ARB2A: variants seen among roughly 807,000 people sequenced by gnomAD.
ARB2A encodes ARB2 cotranscriptional regulator A, also known as cotranscriptional regulator ARB2A.
the ARB2A span, among the ~76,000 whole-genome samples, chr5:93,853,785 GC>G: frequency 1.3e-5 from 2 of 152,178 alleles, no homozygotes; most frequent in African/African-American, 4.8e-5. Flanking sequence ...TATTGAACCA[GC>G]CTTGCATCCC....
chr5:93,931,218 C>A, the ARB2A span, among the ~76,000 whole-genome samples: 2 of 152,176 alleles, frequency 1.3e-5, no homozygotes, highest in Non-Finnish European at 2.9e-5. Flanking sequence ...GTAATCCCAG[C>A]ACTTTGGGAG....
the ARB2A span, chr5:93,620,796 G>A: frequency 1.6e-6 from 1 of 623,062 alleles, no homozygotes; most frequent in Non-Finnish European, 2.4e-6. Flanking sequence ...CACGACCAGT[G>A]AACCCATATT....
At chr5:93,796,056 T>C in the ARB2A span, among the ~76,000 whole-genome samples, 3 of 152,220 alleles carry the variant, frequency 2.0e-5, no homozygotes, top group Non-Finnish European at 4.4e-5. Flanking sequence ...TCTGGCGTAA[T>C]ACGCTGAAAC....
the ARB2A span, among the ~76,000 whole-genome samples, chr5:94,023,648 T>C: frequency 1.3e-5 from 2 of 152,334 alleles, no homozygotes; most frequent in African/African-American, 4.8e-5. Context: ...TGCTGATGAC[T>C]GAATGGAACT....
the ARB2A span, among the ~76,000 whole-genome samples, chr5:94,039,669 G>A: frequency 5.8e-4 from 88 of 151,990 alleles, no homozygotes; most frequent in East Asian, 4.8e-3. Flanking sequence ...CTATGGACTC[G>A]CCCCGAATTC....
the ARB2A span, among the ~76,000 whole-genome samples, chr5:93,712,764 A>G: frequency 6.6e-6 from 1 of 152,234 alleles, no homozygotes; most frequent in African/African-American, 2.4e-5. Flanking sequence ...CCCTAGCAGA[A>G]AGAACCAAAC....
the ARB2A span, among the ~76,000 whole-genome samples, chr5:93,710,164 C>T: frequency 6.6e-6 from 1 of 152,052 alleles, no homozygotes; most frequent in South Asian, 2.1e-4. Context: ...GAGATCAGCC[C>T]GAGGGTGTCA....
chr5:93,634,259 G>T, the ARB2A span, among the ~76,000 whole-genome samples: 9 of 151,884 alleles, frequency 5.9e-5, no homozygotes, highest in African/African-American at 2.2e-4. Context: ...AATTAGCTGG[G>T]CGTGGTGGTG....
the ARB2A span, among the ~76,000 whole-genome samples, chr5:94,011,931 G>A: frequency 1.0e-5 from 1 of 98,832 alleles, no homozygotes. Context: ...AAATTAAAGG[G>A]TAGACAAAAA....
the ARB2A span, among the ~76,000 whole-genome samples, chr5:93,716,760 TCTC>T: frequency 1.3e-5 from 2 of 151,566 alleles, no homozygotes; most frequent in African/African-American, 4.8e-5. Context: ...AACATGATGT[TCTC>T]CTATATTTTC....
At chr5:94,082,760 T>A in the ARB2A span, among the ~76,000 whole-genome samples, 2 of 152,164 alleles carry the variant, frequency 1.3e-5, no homozygotes, top group Non-Finnish European at 2.9e-5. Flanking sequence ...CTTTATAGCA[T>A]TTCATGTTTG....
the ARB2A span, among the ~76,000 whole-genome samples, chr5:93,661,614 G>A: frequency 6.6e-6 from 1 of 151,642 alleles, no homozygotes; most frequent in African/African-American, 2.4e-5. Flanking sequence ...ATTGTCTTGG[G>A]CCACACATAA....
chr5:93,834,107 C>A, the ARB2A span, among the ~76,000 whole-genome samples: 1 of 152,148 alleles, frequency 6.6e-6, no homozygotes, highest in Non-Finnish European at 1.5e-5. Context: ...CGTCTGAACC[C>A]ACTGAGCATT....
chr5:93,620,628 G>A, the ARB2A span: 1 of 190,874 alleles, frequency 5.2e-6, no homozygotes, highest in South Asian at 1.9e-4. Context: ...CTCCGCTACG[G>A]CGGGCGCTAG....
At chr5:93,749,858 T>TA in the ARB2A span, among the ~76,000 whole-genome samples, 7 of 151,856 alleles carry the variant, frequency 4.6e-5, no homozygotes, top group South Asian at 1.5e-3. Context: ...GAGTGTCATT[T>TA]AAAAAAAAGG....
the ARB2A span, chr5:93,735,979 T>C: frequency 6.6e-6 from 1 of 152,052 alleles, no homozygotes; most frequent in Non-Finnish European, 1.5e-5. Flanking sequence ...TTCTCTTAAA[T>C]GGAAGCATTA....
chr5:93,799,346 CT>C, the ARB2A span, among the ~76,000 whole-genome samples: 2 of 152,022 alleles, frequency 1.3e-5, no homozygotes, highest in Admixed American at 6.6e-5. Flanking sequence ...TTCTTTCCCC[CT>C]CTCCTTGTTA....
chr5:93,666,950 T>C, the ARB2A span, among the ~76,000 whole-genome samples: 1 of 152,234 alleles, frequency 6.6e-6, no homozygotes, highest in East Asian at 1.9e-4. Flanking sequence ...GTATAATTTG[T>C]GGTCCATAAA....
At chr5:94,064,993 A>C in the ARB2A span, among the ~76,000 whole-genome samples, 3 of 152,222 alleles carry the variant, frequency 2.0e-5, no homozygotes, top group African/African-American at 2.4e-5. Context: ...ATAAACAATA[A>C]GAGAAAAAGA....
Sources: allele counts gnomAD v4.1 joint callset (sites outside exome capture counted in the v4.1 genomes callset), GRCh38; gene constraint gnomAD v4.1.1; transcripts MANE v1.5; gene names NCBI Gene and HGNC (gene_info 2026-07-23, HGNC 2026-07-21).